The following CSMD1 variants were observed in gnomAD, a reference collection of about 807,000 sequenced individuals.
The protein encoded by CSMD1 is CUB and sushi domain-containing protein 1.
CSMD1 carries 213 observed loss-of-function variants against 417.5 expected under a neutral mutation model. That is an observed-to-expected ratio of 0.51 (90% CI 0.46 to 0.57). CSMD1 has a LOEUF of 0.57. Ranked by LOEUF, CSMD1 falls within the 20% of genes least tolerant of loss-of-function variation. The pLI is 0.00. For synonymous variants in CSMD1, 2,862 were observed against 1,736.8 expected, an observed-to-expected ratio of 1.65 and a Z score of -16.11; for missense variants, 6,923 against 4,529.7, an observed-to-expected ratio of 1.53 and a Z score of -15.17.
intron 5 of CSMD1, among the ~76,000 whole-genome samples, chr8:3,793,470 C>A (rs1250636356): frequency 6.6e-6 from 1 of 150,924 alleles, no homozygotes; most frequent in Non-Finnish European, 1.5e-5. Context: ...TGCCATGCCC[C>A]CCATCCAGCC....
chr8:3,572,161 A>C (rs1799970794), intron 10 of CSMD1, among the ~76,000 whole-genome samples: 3 of 152,184 alleles, frequency 2.0e-5, no homozygotes, highest in African/African-American at 7.2e-5. Flanking sequence ...GACCCATTAC[A>C]GGGGCGCATT....
intron 1 of CSMD1, among the ~76,000 whole-genome samples, chr8:4,738,212 G>C (rs576750420): frequency 2.0e-5 from 3 of 152,190 alleles, no homozygotes; most frequent in African/African-American, 7.2e-5. Context: ...TATTAAAAAA[G>C]AATGTCCCTA....
At chr8:3,707,005 T>G (rs1801204718) in intron 7 of CSMD1, among the ~76,000 whole-genome samples, 1 of 151,958 alleles carries the variant, frequency 6.6e-6, no homozygotes, top group African/African-American at 2.4e-5. Flanking sequence ...TTTTTTTTTC[T>G]TTTGGAAGTG....
intron 27 of CSMD1, among the ~76,000 whole-genome samples, chr8:3,224,192 C>G (rs1249576355): frequency 6.6e-6 from 1 of 152,146 alleles, no homozygotes; most frequent in Non-Finnish European, 1.5e-5. Context: ...ATCCCCATAC[C>G]TGCCAACGTG....
rs1055314550 is a variant in CSMD1 at position 4,004,119 on chromosome 8, T to C, written c.611-6009A>G. On this transcript the variant is annotated intron_variant, in intron 4 of 69. Transcript: ENST00000635120. ...TTATCTACGTTAAGCTGTATACATA[T>C]GTATATTTCAAGTTAACTATAAAGA... Among the ~76,000 whole-genome samples, 8 of 152,250 alleles carry C rather than the reference T, an allele frequency of 5.3e-5. No homozygotes were observed. The South Asian group carries it at 8.3e-4, about 16-fold the overall frequency.
At chr8:3,520,249 G>C (rs1002556408) in intron 10 of CSMD1, among the ~76,000 whole-genome samples, 3 of 152,038 alleles carry the variant, frequency 2.0e-5, no homozygotes, top group Admixed American at 6.6e-5. Context: ...AGGTTGGCCA[G>C]AGAGGAAGCA....
chr8:3,404,516 G>C (rs1012771822), intron 15 of CSMD1, among the ~76,000 whole-genome samples: 9 of 152,102 alleles, frequency 5.9e-5, no homozygotes, highest in African/African-American at 1.9e-4. Flanking sequence ...CCTTGATAGA[G>C]ATGATGGGTC....
chr8:3,631,685 C>T (rs1007106575), intron 7 of CSMD1, among the ~76,000 whole-genome samples: 1 of 152,156 alleles, frequency 6.6e-6, no homozygotes, highest in Non-Finnish European at 1.5e-5. Context: ...AGATTGAAGT[C>T]GTCAGACGGA....
intron 2 of CSMD1, among the ~76,000 whole-genome samples, chr8:4,552,831 T>C (rs1482109705): frequency 2.0e-5 from 3 of 152,168 alleles, no homozygotes; most frequent in Non-Finnish European, 2.9e-5. Flanking sequence ...CCACTGCAAT[T>C]ATGCTCTAGC....
rs565489553 is a variant in CSMD1, at chr8:4,258,683, G to A, written c.415+161270C>T. ...ATCTAAAAGTAATCACCTTCCAGAG[G>A]ACTTACCTCCAAATACCATCACACT... On this transcript the variant is annotated intron_variant, in intron 3 of 69. Transcript: ENST00000635120. 3.6e-4 allele frequency among the ~76,000 whole-genome samples: 54 copies of A among 151,792 alleles called. 2 individuals are homozygous for A. In the South Asian group the frequency reaches 0.011, roughly 31 times the overall value.
chr8:4,301,320 C>A (rs762168108), intron 3 of CSMD1, among the ~76,000 whole-genome samples: 1 of 152,226 alleles, frequency 6.6e-6, no homozygotes. Flanking sequence ...AGTGCCATGA[C>A]CTTTATACTC....
rs368319943 is a variant in CSMD1, at chr8:3,175,263, A to G, written c.5725+5847T>C. ...CTGGTAAAGAAATAGCGTCAATTCAAATAATGAAAGAGTTGTTATATTTGT... is the reference window on the plus strand; with the variant it reads ...CTGGTAAAGAAATAGCGTCAATTCAGATAATGAAAGAGTTGTTATATTTGT... On this transcript the variant is annotated intron_variant, in intron 37 of 69. Coordinates refer to ENST00000635120, the MANE Select transcript of CSMD1 (RefSeq NM_033225.6). 1.6e-4 allele frequency among the ~76,000 whole-genome samples: 24 copies of G among 152,320 alleles called. 1 individual carries two copies. The East Asian group carries it at 2.1e-3, about 13-fold the overall frequency.
intron 2 of CSMD1, among the ~76,000 whole-genome samples, chr8:4,435,674 C>A (rs952334242): frequency 6.6e-6 from 1 of 152,134 alleles, no homozygotes; most frequent in African/African-American, 2.4e-5. Context: ...TGAGGTCACC[C>A]GAGTTGTTAC....
chr8:4,444,197 C>A (rs937208757), intron 2 of CSMD1, among the ~76,000 whole-genome samples: 2 of 151,650 alleles, frequency 1.3e-5, no homozygotes, highest in African/African-American at 4.8e-5. Context: ...TAAAAACTAG[C>A]CAGGCATGGT....
intron 12 of CSMD1, among the ~76,000 whole-genome samples, chr8:3,427,226 G>C (rs1044675675): frequency 1.3e-5 from 2 of 152,042 alleles, no homozygotes; most frequent in African/African-American, 4.8e-5. Flanking sequence ...AACAAGAACT[G>C]GTCAGATTTT....
chr8:4,406,156 A>G (rs1805003495), intron 3 of CSMD1, among the ~76,000 whole-genome samples: 1 of 152,224 alleles, frequency 6.6e-6, no homozygotes, highest in South Asian at 2.1e-4. Flanking sequence ...TCGTGCACAC[A>G]TTAGAATTTA....
rs1332872659 is a variant in CSMD1, at chr8:2,973,286, T to G, written c.8754A>C (p.Gly2918=). 6.2e-7 allele frequency: 1 copy of G among 1,613,696 alleles called. No individual in the cohort carries two copies. The highest frequency in any genetic ancestry group is 1.3e-5 in the African/African-American group (1 of 74,904). The change falls in exon 57 of 70, where the codon GGA becomes GGC. Residue 2918 remains glycine (G), a synonymous_variant. Transcript: ENST00000635120. ...CTGGGGTCCCCGGATCACCACAGAA[T>G]CCAGGATTATTTCCTATTGAAAACA... The part of the protein sequence containing the change: ...ALPHCTGNNP[G]FCGDPGTPAH...
chr8:3,925,837 G>A (rs1182819919), intron 5 of CSMD1, among the ~76,000 whole-genome samples: 1 of 151,964 alleles, frequency 6.6e-6, no homozygotes, highest in Non-Finnish European at 1.5e-5. Context: ...AATACGGGCA[G>A]TGAAAGATAT....
intron 10 of CSMD1, among the ~76,000 whole-genome samples, chr8:3,511,186 C>A (rs895421687): frequency 6.6e-6 from 1 of 151,588 alleles, no homozygotes; most frequent in Non-Finnish European, 1.5e-5. Context: ...ACAATGAGGA[C>A]ACAAGGGCAC....
Sources: gnomAD v4.1 joint callset for allele counts (sites outside exome capture counted in the v4.1 genomes callset) on GRCh38, gnomAD v4.1.1 for gene constraint, MANE v1.5 for transcripts, NCBI Gene and HGNC (gene_info 2026-07-23, HGNC 2026-07-21) for gene names.